Variants in LDB3 observed in about 807,000 individuals in gnomAD.
LDB3 encodes the protein LIM domain binding 3, also known as LIM domain-binding protein 3.
A neutral mutation model predicts 69.0 loss-of-function variants in LDB3; 49 were observed. The ratio of observed to expected loss-of-function variants is 0.71; its 90% CI spans 0.56 to 0.90. LDB3 has a LOEUF of 0.90. LDB3 is among the 40% of genes least tolerant of loss of function. LDB3 has a pLI of 0.00. For synonymous variants in LDB3, 387 were observed against 396.2 expected (o/e 0.98, Z 0.28); for missense variants, 928 against 974.1 (o/e 0.95, Z 0.63).
intron 2 of LDB3, among the ~76,000 whole-genome samples, chr10:86,673,511 G>C (rs949657027): frequency 6.6e-6 from 1 of 152,010 alleles, no homozygotes. Context: ...GAGCATTGAG[G>C]GGACTCCGGC....
chr10:86,693,212 G>T (rs1379129412), intron 7 of LDB3, among the ~76,000 whole-genome samples: 1 of 152,018 alleles, frequency 6.6e-6, no homozygotes, highest in East Asian at 1.9e-4. Flanking sequence ...CCCGTCAGGT[G>T]CTCATAGCAT....
rs371649487 is a variant in LDB3 at position 86,706,578 on chromosome 10, C to T, written c.944C>T (p.Pro315Leu). 4.5e-5 allele frequency: 73 copies of T among 1,612,982 alleles called. No homozygotes were observed. The highest frequency in any genetic ancestry group is 1.6e-4 in the Middle Eastern group (1 of 6,084). Residue 315 changes from proline (P) to leucine (L), a missense_variant, in exon 8 of 14, where the codon CCG (proline) becomes CTG (leucine). Coordinates refer to ENST00000361373, the MANE Select transcript of LDB3 (RefSeq NM_007078.3). ...APVCTSQATT[P>L]LLPASAQPPA... ...GTGTGCACCAGCCAGGCCACCACCC[C>T]GCTGCTGCCCGCTTCTGCCCAGCCA...
intron 7 of LDB3, among the ~76,000 whole-genome samples, chr10:86,702,663 C>T (rs1048298141): frequency 6.6e-6 from 1 of 152,218 alleles, no homozygotes; most frequent in African/African-American, 2.4e-5. Flanking sequence ...ATCTCACCAG[C>T]ACTGTCCTTA....
chr10:86,676,883 C>T (rs932049819), intron 2 of LDB3, among the ~76,000 whole-genome samples: 4 of 152,356 alleles, frequency 2.6e-5, no homozygotes, highest in African/African-American at 9.6e-5. Flanking sequence ...AGAGCCTGGC[C>T]AGAGGCCCAC....
rs560883419 is a variant in LDB3, at chr10:86,689,181, C to T, written c.690-2715C>T. Among the ~76,000 whole-genome samples, 22 of 152,274 alleles carry T rather than the reference C, an allele frequency of 1.4e-4. No individual in the cohort carries two copies. The South Asian group carries it at 3.9e-3, about 27-fold the overall frequency. Reference sequence around the variant, plus strand: ...CCATAACTCGTTTCTGACCCTAACCCGGCTCTCTTGTGTGCGCTGCCCCTC... The same window carrying T: ...CCATAACTCGTTTCTGACCCTAACCTGGCTCTCTTGTGTGCGCTGCCCCTC... On this transcript the variant is annotated intron_variant, in intron 5 of 13. Transcript: ENST00000361373.
At chr10:86,701,561 T>C (rs1247539623) in intron 7 of LDB3, among the ~76,000 whole-genome samples, 1 of 152,172 alleles carries the variant, frequency 6.6e-6, no homozygotes, top group Non-Finnish European at 1.5e-5. Context: ...CTGACTACTA[T>C]GGGTGCTAAA....
chr10:86,701,018 C>G (rs1465747695), intron 7 of LDB3, among the ~76,000 whole-genome samples: 1 of 152,224 alleles, frequency 6.6e-6, no homozygotes, highest in Non-Finnish European at 1.5e-5. Context: ...CCTCCAGGAA[C>G]CTTCGCAATC....
rs11271876 is a variant in LDB3 at position 86,728,586 on chromosome 10, G to GTTTTTTTTTTTGTTTTT, written c.2094+2345_2094+2346insGTTTTTTTTTTTTTTTT. On this transcript the variant is annotated intron_variant, in intron 13 of 13. Coordinates refer to ENST00000361373, the MANE Select transcript of LDB3 (RefSeq NM_007078.3). The stretch of plus-strand genomic sequence containing the variant: ...TAGCAAAGTGGAACATGGTTCTTTT[G>GTTTTTTTTTTTGTTTTT]TTTTTTTTTTTTTTTGAGACAAAGT... Among the ~76,000 whole-genome samples, 35 of 131,434 alleles carry GTTTTTTTTTTTGTTTTT rather than the reference G, an allele frequency of 2.7e-4. 1 individual carries two copies. Among genetic ancestry groups the GTTTTTTTTTTTGTTTTT allele is most frequent in the Middle Eastern group, 3.8e-3 (1 of 266 alleles). The allele number at this position is 131,434 out of a possible 152,430, so 86.2% of individuals were successfully genotyped here. A position where few individuals can be genotyped will look rare whatever the true frequency, so the allele number is the denominator to read the frequency against.
intron 5 of LDB3, chr10:86,685,805 T>A: frequency 7.9e-7 from 1 of 1,271,574 alleles, no homozygotes; most frequent in Non-Finnish European, 1.1e-6. Context: ...TGTGTACATG[T>A]ATGTGCATAT....
At chr10:86,682,057 A>T (rs185110666) in intron 5 of LDB3, among the ~76,000 whole-genome samples, 10 of 152,200 alleles carry the variant, frequency 6.6e-5, no homozygotes, top group African/African-American at 9.6e-5. Context: ...AGGTTAAGTC[A>T]CAGTCCGTTT....
intron 2 of LDB3, 55 bp from the exon 3 acceptor site, chr10:86,679,312 C>T: frequency 6.2e-7 from 1 of 1,610,398 alleles, no homozygotes; most frequent in South Asian, 1.1e-5. Flanking sequence ...AAGGACTGGC[C>T]TTTCCTCAGG....
At chr10:86,685,894 G>T (rs1470109330) in intron 5 of LDB3, among the ~76,000 whole-genome samples, 1 of 152,232 alleles carries the variant, frequency 6.6e-6, no homozygotes, top group South Asian at 2.1e-4. Flanking sequence ...GGGTGGGAGT[G>T]GGGGCTCCAT....
Position 86,668,803 on chromosome 10 carries a change from A to G in LDB3, c.93+19A>G. Reference sequence around the variant, plus strand: ...CTCCCGGGTGAGTGCACCCTGCCACAGCCTGGCACCCGATGGGGCAGGCAC... The same window carrying G: ...CTCCCGGGTGAGTGCACCCTGCCACGGCCTGGCACCCGATGGGGCAGGCAC... On this transcript the variant is annotated intron_variant, in intron 2 of 13. Coordinates refer to ENST00000361373, the MANE Select transcript of LDB3 (RefSeq NM_007078.3). The G allele has an allele frequency of 6.3e-7, 1 of 1,596,896 alleles. No individual in the cohort carries two copies. The highest frequency in any genetic ancestry group is 8.6e-7 in the Non-Finnish European group (1 of 1,165,310).
intron 7 of LDB3, among the ~76,000 whole-genome samples, chr10:86,697,474 G>T (rs1846053789): frequency 6.6e-6 from 1 of 150,832 alleles, no homozygotes; most frequent in Non-Finnish European, 1.5e-5. Context: ...ACCAGCCTCG[G>T]TCTCCCAAAG....
chr10:86,705,274 AAAT>A (rs1435791179), intron 7 of LDB3, among the ~76,000 whole-genome samples: 1 of 152,188 alleles, frequency 6.6e-6, no homozygotes, highest in African/African-American at 2.4e-5. Context: ...CTCATCTATT[AAAT>A]AAGAGTCCAT....
At chr10:86,718,869 G>A (rs752770158) in intron 12 of LDB3, 22 bp downstream of exon 12, 24 of 1,613,780 alleles carry the variant, frequency 1.5e-5, no homozygotes, top group Non-Finnish European at 2.0e-5. Flanking sequence ...TCGATGGCAT[G>A]TGGGGAGGCC....
In LDB3 at chr10:86,674,374, G is replaced by A. The variant is rs575736692; in HGVS notation, c.94-4993G>A. ...TGTGCTCCTCCTTTGCTGCCTCCCC[G>A]CCCCCAGCCCCCAGCACTCACAAGT... On this transcript the variant is annotated intron_variant, in intron 2 of 13. Coordinates refer to ENST00000361373, the MANE Select transcript of LDB3 (RefSeq NM_007078.3). Among the ~76,000 whole-genome samples, 442 of 152,100 alleles carry A rather than the reference G, an allele frequency of 2.9e-3. 2 individuals are homozygous for A. Among genetic ancestry groups the A allele is most frequent in the Non-Finnish European group, 5.3e-3 (360 of 67,992 alleles).
chr10:86,696,065 G>A (rs1374791847), intron 7 of LDB3, among the ~76,000 whole-genome samples: 2 of 152,176 alleles, frequency 1.3e-5, no homozygotes, highest in African/African-American at 4.8e-5. Flanking sequence ...CCCAGATCAT[G>A]CAAAAATCCT....
At chr10:86,689,488 G>A (rs1845658454) in intron 5 of LDB3, among the ~76,000 whole-genome samples, 1 of 152,186 alleles carries the variant, frequency 6.6e-6, no homozygotes, top group African/African-American at 2.4e-5. Flanking sequence ...ATGTCACTGT[G>A]GTCACAGAAA....
Sources: allele counts gnomAD v4.1 joint callset (sites outside exome capture counted in the v4.1 genomes callset), GRCh38; gene constraint gnomAD v4.1.1; transcripts MANE v1.5; gene names NCBI Gene and HGNC (gene_info 2026-07-23, HGNC 2026-07-21).